Variants in MYRIP observed in about 807,000 individuals in gnomAD.
MYRIP encodes the protein rab effector MyRIP.
MYRIP carries 49 observed loss-of-function variants against 98.0 expected under a neutral mutation model. That is an observed-to-expected ratio of 0.50 (90% CI 0.40 to 0.63). The LOEUF (loss-of-function observed/expected upper bound fraction) is 0.63. MYRIP is among the 30% of genes least tolerant of loss of function. The probability of loss-of-function intolerance (pLI) is 0.00; values close to 1 mark genes in which losing one functional copy is unlikely to be tolerated. For missense variants in MYRIP, 1,004 were observed against 1,058.2 expected (o/e 0.95, Z 0.71); for synonymous variants, 404 against 409.5 (o/e 0.99, Z 0.16).
intron 2 of MYRIP, among the ~76,000 whole-genome samples, chr3:39,923,166 A>G (rs1369328273): frequency 6.6e-6 from 1 of 152,152 alleles, no homozygotes; most frequent in Non-Finnish European, 1.5e-5. Context: ...GAGAAAGTAG[A>G]GTGGACTGAA....
chr3:40,012,707 C>T (rs1946787205), intron 2 of MYRIP, among the ~76,000 whole-genome samples: 1 of 152,152 alleles, frequency 6.6e-6, no homozygotes, highest in Non-Finnish European at 1.5e-5. Context: ...TACCCTGCCT[C>T]ATAGAGTAAG....
At chr3:40,041,529 C>G (rs545187783) in intron 2 of MYRIP, among the ~76,000 whole-genome samples, 82 of 149,892 alleles carry the variant, frequency 5.5e-4, no homozygotes, top group African/African-American at 2.0e-3. Context: ...GAGGAACATT[C>G]GACAAAATAG....
chr3:39,888,147 A>G (rs1467551567), intron 1 of MYRIP, among the ~76,000 whole-genome samples: 1 of 152,122 alleles, frequency 6.6e-6, no homozygotes, highest in Non-Finnish European at 1.5e-5. Context: ...CAAGCTACCA[A>G]TGCCTTTCTT....
intron 1 of MYRIP, among the ~76,000 whole-genome samples, chr3:39,842,342 G>C (rs1403217784): frequency 6.6e-6 from 1 of 152,178 alleles, no homozygotes; most frequent in Admixed American, 6.5e-5. Flanking sequence ...GTCGACTTCA[G>C]ACTGCCGTGC....
intron 2 of MYRIP, among the ~76,000 whole-genome samples, chr3:40,011,417 G>A (rs2125796236): frequency 6.6e-6 from 1 of 152,248 alleles, no homozygotes; most frequent in South Asian, 2.1e-4. Flanking sequence ...GTTAATCATG[G>A]TTTGGGCGTT....
At chr3:39,842,890 G>A (rs1941847242) in intron 1 of MYRIP, among the ~76,000 whole-genome samples, 1 of 152,200 alleles carries the variant, frequency 6.6e-6, no homozygotes, top group African/African-American at 2.4e-5. Context: ...CTGCAGACTG[G>A]AGCTGCTCCT....
chr3:40,136,253 A>T (rs999199952), intron 3 of MYRIP, among the ~76,000 whole-genome samples: 1 of 152,228 alleles, frequency 6.6e-6, no homozygotes, highest in Non-Finnish European at 1.5e-5. Context: ...GATAAAACAG[A>T]CTTTAAACCG....
At chr3:40,231,093 G>C (rs1230258016) in intron 11 of MYRIP, among the ~76,000 whole-genome samples, 3 of 152,280 alleles carry the variant, frequency 2.0e-5, no homozygotes, top group African/African-American at 7.2e-5. Context: ...CCAAAGTGCT[G>C]GGATTACAGG....
At chr3:40,241,379 G>C (rs139301395) in intron 12 of MYRIP, among the ~76,000 whole-genome samples, 61 of 152,306 alleles carry the variant, frequency 4.0e-4, no homozygotes, top group Non-Finnish European at 4.4e-4. Flanking sequence ...AGAGGATGTA[G>C]CACTAGAACT....
chr3:40,246,032 G>A (rs558434014), intron 13 of MYRIP, among the ~76,000 whole-genome samples: 15 of 151,688 alleles, frequency 9.9e-5, no homozygotes, highest in Admixed American at 7.9e-4. Flanking sequence ...AAACTGCTGG[G>A]ATTACAGGTG....
intron 3 of MYRIP, among the ~76,000 whole-genome samples, chr3:40,130,425 G>T (rs578140256): frequency 6.7e-6 from 1 of 148,378 alleles, no homozygotes; most frequent in African/African-American, 2.5e-5. Flanking sequence ...TGGCCCAGGC[G>T]GGAGTGCAGT....
At chr3:39,875,048 C>T (rs1942943067) in intron 1 of MYRIP, among the ~76,000 whole-genome samples, 1 of 152,154 alleles carries the variant, frequency 6.6e-6, no homozygotes. Flanking sequence ...AGAGATTCAA[C>T]TTCTTCCTGG....
At chr3:40,172,072 G>A (rs752446541) in intron 8 of MYRIP, among the ~76,000 whole-genome samples, 1 of 152,170 alleles carries the variant, frequency 6.6e-6, no homozygotes, top group Non-Finnish European at 1.5e-5. Context: ...CCCACAACGT[G>A]GGAATTATGG....
At chr3:39,885,249 AGTT>A (rs1943261133) in intron 1 of MYRIP, among the ~76,000 whole-genome samples, 1 of 151,688 alleles carries the variant, frequency 6.6e-6, no homozygotes, top group Non-Finnish European at 1.5e-5. Context: ...AAAAAACTCC[AGTT>A]GTTGAAATTT....
intron 2 of MYRIP, among the ~76,000 whole-genome samples, chr3:39,998,616 C>T (rs894662458): frequency 6.6e-6 from 1 of 152,104 alleles, no homozygotes; most frequent in Non-Finnish European, 1.5e-5. Flanking sequence ...AGGTAATTTA[C>T]AGATTCAATG....
Position 40,042,248 on chromosome 3 carries a change from C to T in MYRIP, c.111-1802C>T, listed in dbSNP as rs1053572673. On this transcript the variant is annotated intron_variant, in intron 2 of 16. Transcript: ENST00000302541. ...AAAATACTTTATGTGTATATTATAACAACTATGTAAAAGCAAGCATATAAT... is the reference window on the plus strand; with the variant it reads ...AAAATACTTTATGTGTATATTATAATAACTATGTAAAAGCAAGCATATAAT... 1.0e-4 allele frequency among the ~76,000 whole-genome samples: 12 copies of T among 118,384 alleles called. No individual in the cohort carries two copies. The Admixed American group carries it at 1.0e-3, about 10-fold the overall frequency. 77.7% of individuals were successfully genotyped at this position (118,384 alleles called of 152,430 possible).
intron 2 of MYRIP, among the ~76,000 whole-genome samples, chr3:39,906,897 T>C (rs535512559): frequency 6.6e-6 from 1 of 152,156 alleles, no homozygotes; most frequent in Non-Finnish European, 1.5e-5. Flanking sequence ...AAATGCAAAA[T>C]ACAGCTTCCT....
At chr3:40,010,863 C>T (rs1257475203) in intron 2 of MYRIP, among the ~76,000 whole-genome samples, 1 of 152,168 alleles carries the variant, frequency 6.6e-6, no homozygotes, top group Non-Finnish European at 1.5e-5. Context: ...CTCTCTCTGC[C>T]TCCTGATGCC....
At chr3:40,209,740 T>C in intron 10 of MYRIP, 114 bp from the exon 11 acceptor site, 1 of 1,396,108 alleles carries the variant, frequency 7.2e-7, no homozygotes, top group Non-Finnish European at 9.7e-7. Flanking sequence ...AAGAAAGCTG[T>C]TACTTTCCTA....
Sources: gnomAD v4.1 joint callset for allele counts (sites outside exome capture counted in the v4.1 genomes callset) on GRCh38, gnomAD v4.1.1 for gene constraint, MANE v1.5 for transcripts, NCBI Gene and HGNC (gene_info 2026-07-23, HGNC 2026-07-21) for gene names.